The following SLC40A1 variants were observed in gnomAD, a reference collection of about 807,000 sequenced individuals.
SLC40A1 encodes the protein solute carrier family 40 member 1, also known as ferroportin.
SLC40A1 carries 16 observed loss-of-function variants against 53.5 expected under a neutral mutation model. The observed-to-expected ratio is 0.30, with a 90% CI of 0.20 to 0.45. The LOEUF (loss-of-function observed/expected upper bound fraction) is 0.45, where lower values mean the gene tolerates loss of function less well. SLC40A1 is among the 20% of genes least tolerant of loss of function. SLC40A1 has a pLI of 1.00. For synonymous variants in SLC40A1, 247 were observed against 253.2 expected (o/e 0.98, Z 0.23); for missense variants, 545 against 695.4 (o/e 0.78, Z 2.43).
chr2:189,570,108 A>G (rs1365993348), intron 5 of SLC40A1, among the ~76,000 whole-genome samples: 1 of 150,288 alleles, frequency 6.7e-6, no homozygotes, highest in South Asian at 2.1e-4. Context: ...GTATATATAT[A>G]TGTGTATATA....
Position 189,563,594 on chromosome 2 carries a change from A to G in SLC40A1, c.1392T>C (p.Ala464=), listed in dbSNP as rs2105619904. The change falls in exon 7 of 8, where the codon GCT becomes GCC. Residue 464 remains alanine (A), a synonymous_variant. Coordinates refer to ENST00000261024, the MANE Select transcript of SLC40A1 (RefSeq NM_014585.6). ...SVSLLFAGVI[A]ARIGLWSFDL... Reference sequence around the variant, plus strand: ...AAAGAGATTTCTTACCGATTCTAGCAGCAATGACGCCTGCAAACAGCAGAC... The same window carrying G: ...AAAGAGATTTCTTACCGATTCTAGCGGCAATGACGCCTGCAAACAGCAGAC... 6.2e-7 allele frequency: 1 copy of G among 1,613,758 alleles called. No individual in the cohort carries two copies. Among genetic ancestry groups the G allele is most frequent in the Non-Finnish European group, 8.5e-7 (1 of 1,179,898 alleles).
intron 2 of SLC40A1, among the ~76,000 whole-genome samples, chr2:189,576,423 T>A (rs1168817493): frequency 6.6e-6 from 1 of 152,212 alleles, no homozygotes; most frequent in Non-Finnish European, 1.5e-5. Flanking sequence ...GATAATAATT[T>A]TATACATTCA....
At chr2:189,566,037 T>C (rs1369126889) in intron 5 of SLC40A1, among the ~76,000 whole-genome samples, 1 of 152,136 alleles carries the variant, frequency 6.6e-6, no homozygotes. Flanking sequence ...TGTGTGTGTG[T>C]GTGCGTGTGT....
At chr2:189,574,146 T>C (rs2031218528) in intron 3 of SLC40A1, among the ~76,000 whole-genome samples, 1 of 152,186 alleles carries the variant, frequency 6.6e-6, no homozygotes, top group African/African-American at 2.4e-5. Flanking sequence ...GAAATTGTTA[T>C]CCTACCACAC....
rs773709480 is a variant in SLC40A1 at position 189,580,555 on chromosome 2, T to C, written c.-95A>G. ...TAACAGGAGTGCAAGGAACTGGAGA[T>C]AGCACCTCTAAAAACACAACAGCCT... On this transcript the variant is annotated 5_prime_UTR_variant, in exon 1 of 8. Coordinates refer to ENST00000261024, the MANE Select transcript of SLC40A1 (RefSeq NM_014585.6). 6.2e-6 allele frequency: 10 copies of C among 1,603,708 alleles called. No individual in the cohort carries two copies. Among genetic ancestry groups the C allele is most frequent in the Non-Finnish European group, 7.6e-6 (9 of 1,178,874 alleles).
rs531919561 is a variant in SLC40A1, at chr2:189,571,445, T to A, written c.514+270A>T. Among the ~76,000 whole-genome samples, 411 of 147,056 alleles carry A rather than the reference T, an allele frequency of 2.8e-3. 1 individual carries two copies. The highest frequency in any genetic ancestry group is 8.1e-3 in the African/African-American group (321 of 39,730). On this transcript the variant is annotated intron_variant, in intron 5 of 7. Coordinates refer to ENST00000261024, the MANE Select transcript of SLC40A1 (RefSeq NM_014585.6). ...TTAGAAAGTTGATTGAATTTTTTTT[T>A]AAAAAAAAAAAAGAGGAAAGAAAAG...
At position 189,580,165 on chromosome 2, in the gene SLC40A1, TTTGTTTTG is replaced by T. The variant is rs768598871; in HGVS notation, c.43+245_43+252del. 6.0e-5 allele frequency among the ~76,000 whole-genome samples: 9 copies of T among 149,958 alleles called. No homozygotes were observed. In the East Asian group the frequency reaches 1.6e-3, roughly 26 times the overall value. ...ATTCTTTTTTGGGTTGGTTGGTTTG[TTTGTTTTG>T]TTTCTTTTTTACACAAGGCAATCCA... On this transcript the variant is annotated intron_variant, in intron 1 of 7. Coordinates refer to ENST00000261024, the MANE Select transcript of SLC40A1 (RefSeq NM_014585.6).
In SLC40A1 at chr2:189,563,806, G is replaced by A; in HGVS notation, c.1180C>T (p.Pro394Ser). 1.2e-6 allele frequency: 2 copies of A among 1,614,192 alleles called. No individual in the cohort carries two copies. Among genetic ancestry groups the A allele is most frequent in the Non-Finnish European group, 1.7e-6 (2 of 1,180,036 alleles). The part of the protein sequence containing the change: ...LILCVISVFM[P>S]GSPLDLSVSP... ...ACGGACAAGTCCAGGGGGCTTCCAGGCATGAATACAGAGATCACACACAAG... is the reference window on the plus strand; with the variant it reads ...ACGGACAAGTCCAGGGGGCTTCCAGACATGAATACAGAGATCACACACAAG... The change falls in exon 7 of 8, where the codon CCT becomes TCT. Residue 394 changes from proline to serine, a missense_variant. Pro to Ser is a moderately conservative substitution (Grantham distance 74). Around this residue, in one of 4 missense-constraint regions of SLC40A1, gnomAD observed 234 missense variants for 299.0 expected, o/e 0.78. Transcript: ENST00000261024.
chr2:189,580,332 A>C, intron 1 of SLC40A1, 86 bp downstream of exon 1: 1 of 1,312,910 alleles, frequency 7.6e-7, no homozygotes, highest in Non-Finnish European at 1.1e-6. Context: ...CAGCAGAGCC[A>C]CATTCCTCCA....
At chr2:189,564,881 T>A (rs987463777) in intron 6 of SLC40A1, among the ~76,000 whole-genome samples, 2 of 152,158 alleles carry the variant, frequency 1.3e-5, no homozygotes, top group African/African-American at 4.8e-5. Flanking sequence ...TCTGGGTCCC[T>A]GCAGAGCTGG....
chr2:189,579,980 A>G, intron 1 of SLC40A1, 100 bp from the exon 2 acceptor site: 1 of 1,218,666 alleles, frequency 8.2e-7, no homozygotes, highest in Non-Finnish European at 1.2e-6. Context: ...CATGATTATT[A>G]AAAACTACTT....
chr2:189,572,710 G>T, intron 4 of SLC40A1, 136 bp downstream of exon 4: 2 of 694,698 alleles, frequency 2.9e-6, no homozygotes, highest in South Asian at 1.6e-5. Flanking sequence ...AACTATAGGG[G>T]ATATTACAGT....
At chr2:189,572,817 T>C in intron 4 of SLC40A1, 29 bp downstream of exon 4, 1 of 1,476,890 alleles carries the variant, frequency 6.8e-7, no homozygotes, top group Non-Finnish European at 9.5e-7. Flanking sequence ...TTCAATTTTC[T>C]GCCATCAAGA....
intron 5 of SLC40A1, among the ~76,000 whole-genome samples, chr2:189,569,439 G>C (rs2031052904): frequency 6.6e-6 from 1 of 152,166 alleles, no homozygotes; most frequent in African/African-American, 2.4e-5. Context: ...CTGTGTATAA[G>C]AGACACAACC....
At chr2:189,576,412 A>G (rs578007282) in intron 2 of SLC40A1, among the ~76,000 whole-genome samples, 22 of 152,370 alleles carry the variant, frequency 1.4e-4, no homozygotes, top group African/African-American at 5.1e-4. Flanking sequence ...AATGAAGCCA[A>G]GATAATAATT....
chr2:189,578,856 G>C (rs531713165), intron 2 of SLC40A1, among the ~76,000 whole-genome samples: 9 of 152,206 alleles, frequency 5.9e-5, no homozygotes, highest in African/African-American at 1.9e-4. Flanking sequence ...TTTCTCAAAG[G>C]TATTGGGTAT....
chr2:189,576,971 A>T lies in SLC40A1; in HGVS notation c.112-1651T>A, dbSNP rs141467865. ...TGATGGAAAGAAAGAAATTGCTCAC[A>T]TTACCCCAATTTCCAACGGGCTTAG... On this transcript the variant is annotated intron_variant, in intron 2 of 7. Transcript: ENST00000261024. 4.6e-4 allele frequency among the ~76,000 whole-genome samples: 70 copies of T among 152,322 alleles called. No homozygotes were observed. In the East Asian group the frequency reaches 0.012, roughly 26 times the overall value.
At position 189,563,977 on chromosome 2, in the gene SLC40A1, G is replaced by A. The variant is rs749324424; in HGVS notation, c.1009C>T (p.Leu337=). The change falls in exon 7 of 8, where the codon CTG becomes TTG. Residue 337 remains leucine, a synonymous_variant. Coordinates refer to ENST00000261024, the MANE Select transcript of SLC40A1 (RefSeq NM_014585.6). Reference sequence around the variant, plus strand: ...AAAATACTGAGGATGGAACCACTCAGTCCCTGAGTGTAGGCGTACCCTGTG... The same window carrying A: ...AAAATACTGAGGATGGAACCACTCAATCCCTGAGTGTAGGCGTACCCTGTG... ...ITTGYAYTQG[L]SGSILSILMG... 2 of 1,614,018 alleles carry A rather than the reference G, an allele frequency of 1.2e-6. No individual in the cohort carries two copies. Among genetic ancestry groups the A allele is most frequent in the East Asian group, 2.2e-5 (1 of 44,892 alleles).
chr2:189,563,489 T>C, intron 7 of SLC40A1, 95 bp downstream of exon 7: 1 of 1,163,678 alleles, frequency 8.6e-7, no homozygotes, highest in Non-Finnish European at 1.2e-6. Flanking sequence ...AATTAACATT[T>C]AGGGAACATT....
Sources: gnomAD v4.1 joint callset for allele counts (sites outside exome capture counted in the v4.1 genomes callset) on GRCh38, gnomAD v4.1.1 for gene constraint, gnomAD v4.1.1 regional missense constraint, MANE v1.5 for transcripts, NCBI Gene and HGNC (gene_info 2026-07-23, HGNC 2026-07-21) for gene names.